The following TMEM223 variants were observed in gnomAD, a reference collection of about 807,000 sequenced individuals.
TMEM223 encodes the protein transmembrane protein 223.
TMEM223 carries 14 observed loss-of-function variants against 14.1 expected under a neutral mutation model. That is an observed-to-expected ratio of 0.99 (90% CI 0.66 to 1.55). TMEM223 has a LOEUF of 1.55. Ranked by LOEUF, TMEM223 falls within the 40% of genes most tolerant of loss-of-function variation. The pLI, the probability that TMEM223 is intolerant of heterozygous loss-of-function variation, is 0.00. For synonymous variants in TMEM223, 145 were observed against 120.5 expected (o/e 1.20, Z -1.33); for missense variants, 346 against 269.9 (o/e 1.28, Z -1.97).
rs898887470 is a variant in TMEM223 at position 62,773,534 on chromosome 11, G to C, written c.385+1061C>G. On this transcript the variant is annotated intron_variant, in intron 2 of 2. Transcript: ENST00000528367. The stretch of plus-strand genomic sequence containing the variant: ...GCGATCTTGACTCACTGCAACCTCT[G>C]TCTCACGGGTTCAAGCGATTCTCCT... Among the ~76,000 whole-genome samples, 4 of 149,672 alleles carry C rather than the reference G, an allele frequency of 2.7e-5. No homozygotes were observed. In the East Asian group the frequency reaches 7.9e-4, roughly 30 times the overall value.
At chr11:62,778,991 C>G in intron 1 of TMEM223, 1 of 1,181,632 alleles carries the variant, frequency 8.5e-7, no homozygotes, top group Non-Finnish European at 1.3e-6. Flanking sequence ...AGTTGGGGCA[C>G]AAAGTTGAAA....
intron 1 of TMEM223, chr11:62,774,754 G>C: frequency 2.4e-6 from 1 of 414,042 alleles, no homozygotes; most frequent in Non-Finnish European, 5.0e-6. Context: ...CTACTATCCA[G>C]CCTGGCCAAC....
chr11:62,775,609 T>C (rs2084180355), intron 1 of TMEM223: 2 of 722,566 alleles, frequency 2.8e-6, no homozygotes, highest in African/African-American at 1.8e-5. Flanking sequence ...GGCCAGTCTG[T>C]TTCCTTCTCT....
intron 1 of TMEM223, chr11:62,777,879 A>C: frequency 7.1e-7 from 1 of 1,401,750 alleles, no homozygotes; most frequent in Non-Finnish European, 9.7e-7. Flanking sequence ...CTTCCTTCAA[A>C]CGTGGGCTCT....
downstream of TMEM223, chr11:62,786,661 G>T: frequency 6.2e-7 from 1 of 1,611,382 alleles, no homozygotes; most frequent in South Asian, 1.1e-5. Context: ...GGGCGGTGCA[G>T]AACCCAGCTT....
chr11:62,791,776 C>T lies in TMEM223; in HGVS notation c.219G>A (p.Pro73=). 1 of 1,567,482 alleles carries T rather than the reference C, an allele frequency of 6.4e-7. No homozygotes were observed. Among genetic ancestry groups the T allele is most frequent in the South Asian group, 1.2e-5 (1 of 85,272 alleles). ...GGACCTCCGCATCCAGAGGCTGCAC[C>T]GGAACCGGGGGCCGGGACACGGCTG... is the stretch of plus-strand genomic sequence containing the variant. ...AVAAVSRPPV[P]VQPLDAEVPN... Residue 73 remains proline, a synonymous_variant, in exon 1 of 2, where the codon CCG becomes CCA. Transcript: ENST00000307366.
downstream of TMEM223, chr11:62,789,850 T>C: frequency 6.3e-7 from 1 of 1,599,168 alleles, no homozygotes; most frequent in Non-Finnish European, 8.5e-7. Context: ...TTTGAAATGG[T>C]CCCACTCCTG....
intron 1 of TMEM223, chr11:62,777,932 C>T: frequency 6.2e-7 from 1 of 1,603,296 alleles, no homozygotes; most frequent in Non-Finnish European, 8.5e-7. Flanking sequence ...CTGACGCCTG[C>T]TCCCTCCCTG....
At chr11:62,777,939 C>T (rs1415758390) in intron 1 of TMEM223, 1 of 1,608,106 alleles carries the variant, frequency 6.2e-7, no homozygotes, top group Admixed American at 1.7e-5. Flanking sequence ...CTGCTCCCTC[C>T]CTGGATTCAG....
downstream of TMEM223, chr11:62,786,287 C>A (rs145021229): frequency 6.9e-5 from 111 of 1,614,000 alleles, no homozygotes; most frequent in Non-Finnish European, 9.0e-5. Context: ...GTACCCACAC[C>A]TGTCCACCTA....
chr11:62,789,010 C>T (rs1406015030), downstream of TMEM223: 3 of 1,603,396 alleles, frequency 1.9e-6, no homozygotes, highest in Admixed American at 3.4e-5. Context: ...GACTCAGCAG[C>T]TTCTCTCCAC....
chr11:62,790,161 G>T lies in TMEM223; in HGVS notation c.*462C>A, dbSNP rs1037012340. On this transcript the variant is annotated 3_prime_UTR_variant, in exon 2 of 2. Coordinates refer to ENST00000307366, the MANE Select transcript of TMEM223 (RefSeq NM_001080501.3). Reference sequence around the variant, plus strand: ...CTTAGTTTTCCTTTCGTTGGGGGGTGGGGGGGAAACATAATGACAGGCCCC... The same window carrying T: ...CTTAGTTTTCCTTTCGTTGGGGGGTTGGGGGGAAACATAATGACAGGCCCC... 9.9e-6 allele frequency: 12 copies of T among 1,216,364 alleles called. No individual in the cohort carries two copies. The highest frequency in any genetic ancestry group is 9.2e-5 in the African/African-American group (6 of 65,028). 75.3% of individuals were successfully genotyped at this position (1,216,364 alleles called of 1,614,324 possible).
In TMEM223 at chr11:62,790,908, G is replaced by C. The variant is rs1008581096; in HGVS notation, c.324C>G (p.Leu108=). The part of the protein sequence containing the change: ...LAVGCGAIGA[L]VLGAGLLFSL... ...AGAAGAGAAGACCAGCACCGAGTACGAGGGCTCCTGCAGGCAGGGCAGAGA... is the reference window on the plus strand; with the variant it reads ...AGAAGAGAAGACCAGCACCGAGTACCAGGGCTCCTGCAGGCAGGGCAGAGA... The change falls in exon 2 of 2, where the codon CTC becomes CTG. Residue 108 remains leucine, a synonymous_variant. Coordinates refer to ENST00000307366, the MANE Select transcript of TMEM223 (RefSeq NM_001080501.3). The C allele has an allele frequency of 6.3e-7, 1 of 1,576,466 alleles. No homozygotes were observed. The highest frequency in any genetic ancestry group is 1.4e-5 in the African/African-American group (1 of 74,020).
chr11:62,789,412 G>A (rs759182408), downstream of TMEM223: 10 of 1,613,638 alleles, frequency 6.2e-6, no homozygotes, highest in Middle Eastern at 4.9e-4. Flanking sequence ...TCATCTCCTT[G>A]AACACTACAA....
intron 1 of TMEM223, 100 bp downstream of exon 1, chr11:62,791,579 C>T: frequency 7.4e-7 from 1 of 1,352,566 alleles, no homozygotes; most frequent in Non-Finnish European, 9.8e-7. Context: ...GCCCGCCCGC[C>T]ACTCTCGGAT....
At chr11:62,782,631 T>C, downstream of TMEM223, 1 of 1,592,680 alleles carries the variant, frequency 6.3e-7, no homozygotes, top group African/African-American at 1.3e-5. Flanking sequence ...TTGTGTTGTC[T>C]TGTGCCCTGT....
intron 1 of TMEM223, chr11:62,778,038 C>T (rs530031992): frequency 6.2e-7 from 1 of 1,614,046 alleles, no homozygotes; most frequent in Admixed American, 1.7e-5. Context: ...GGAGGGTGAA[C>T]TCTACTTTCC....
At position 62,790,457 on chromosome 11, in the gene TMEM223, A is replaced by G. The variant is rs1486102472; in HGVS notation, c.*166T>C. On this transcript the variant is annotated 3_prime_UTR_variant, in exon 2 of 2. Coordinates refer to ENST00000307366, the MANE Select transcript of TMEM223 (RefSeq NM_001080501.3). ...TTTTTTTTTGTTTTTTTTTTTGTAA[A>G]TAGAGACAAGGTCTCGCTATGTTGC... 1 of 609,734 alleles carries G rather than the reference A, an allele frequency of 1.6e-6. No individual in the cohort carries two copies. The highest frequency in any genetic ancestry group is 1.9e-5 in the African/African-American group (1 of 53,152). 37.8% of individuals were successfully genotyped at this position (609,734 alleles called of 1,614,324 possible).
At chr11:62,785,552 T>A (rs1164217262), downstream of TMEM223, among the ~76,000 whole-genome samples, 1 of 150,014 alleles carries the variant, frequency 6.7e-6, no homozygotes, top group Non-Finnish European at 1.5e-5. Flanking sequence ...TTTTTTTTTT[T>A]GAGACGGAGT....
Sources: allele counts gnomAD v4.1 joint callset (sites outside exome capture counted in the v4.1 genomes callset), GRCh38; gene constraint gnomAD v4.1.1; transcripts MANE v1.5; gene names NCBI Gene and HGNC (gene_info 2026-07-23, HGNC 2026-07-21).